Variants in CCDC93 observed in about 807,000 individuals in gnomAD.
CCDC93 encodes the protein CCC complex scaffolding subunit CCDC93, also known as coiled-coil domain-containing protein 93.
In CCDC93, 61 loss-of-function variants were observed where a neutral mutation model predicts 108.2. That is an observed-to-expected ratio of 0.56 (90% confidence interval 0.46 to 0.70). CCDC93 has a LOEUF of 0.70. Ranked by LOEUF, CCDC93 falls within the 30% of genes least tolerant of loss-of-function variation. CCDC93 has a pLI of 0.00. For synonymous variants in CCDC93, 276 were observed against 260.4 expected, an observed-to-expected ratio of 1.06 and a Z score of -0.58; for missense variants, 685 against 764.2, an observed-to-expected ratio of 0.90 and a Z score of 1.22.
rs567321866 is a variant in CCDC93, at chr2:117,915,971, T to C, written c.*4372A>G. 1 of 152,342 alleles carries C rather than the reference T, an allele frequency of 6.6e-6. No individual in the cohort carries two copies. The highest frequency in any genetic ancestry group is 1.9e-4 in the East Asian group (1 of 5,186). 9.4% of individuals were successfully genotyped at this position (152,342 alleles called of 1,614,324 possible). A position where few individuals can be genotyped will look rare whatever the true frequency, so the allele number is the denominator to read the frequency against. ...TAATGTATTTAACCATTCCCCTGTATTGGTGGCACTCTCCAACTTTTTGCT... is the reference window on the plus strand; with the variant it reads ...TAATGTATTTAACCATTCCCCTGTACTGGTGGCACTCTCCAACTTTTTGCT... On this transcript the variant is annotated 3_prime_UTR_variant, in exon 24 of 24. Coordinates refer to ENST00000376300, the MANE Select transcript of CCDC93 (RefSeq NM_019044.5).
chr2:118,007,630 T>C (rs551126907), intron 2 of CCDC93, among the ~76,000 whole-genome samples: 5 of 152,236 alleles, frequency 3.3e-5, no homozygotes, highest in Admixed American at 2.0e-4. Context: ...GATTGAGCCA[T>C]TGCACTCCAG....
At chr2:117,957,375 C>T (rs1488376746) in intron 12 of CCDC93, among the ~76,000 whole-genome samples, 4 of 152,126 alleles carry the variant, frequency 2.6e-5, no homozygotes, top group African/African-American at 7.2e-5. Context: ...CTCATATCAC[C>T]AGGTATTACA....
chr2:117,963,825 TTCCAATTA>T (rs1323939951), intron 11 of CCDC93, among the ~76,000 whole-genome samples: 1 of 152,240 alleles, frequency 6.6e-6, no homozygotes, highest in African/African-American at 2.4e-5. Context: ...TTAAGTGATG[TTCCAATTA>T]TCTTTGCAAG....
chr2:117,995,711 G>A, intron 5 of CCDC93: 1 of 504,452 alleles, frequency 2.0e-6, no homozygotes, highest in African/African-American at 2.0e-5. Flanking sequence ...TACACAGCCA[G>A]TAAGAAAAAG....
intron 13 of CCDC93, chr2:117,950,485 T>C (rs1223164167): frequency 7.1e-6 from 7 of 985,336 alleles, no homozygotes; most frequent in Non-Finnish European, 8.4e-6. Flanking sequence ...GCACCACTGC[T>C]GTCTGCAACC....
intron 4 of CCDC93, among the ~76,000 whole-genome samples, chr2:117,999,663 T>A (rs1294349446): frequency 1.3e-5 from 2 of 152,268 alleles, no homozygotes; most frequent in Admixed American, 6.5e-5. Flanking sequence ...GATGCTCAAG[T>A]CCCTGATATA....
chr2:117,927,322 G>C (rs1315683880), intron 23 of CCDC93, among the ~76,000 whole-genome samples: 3 of 152,116 alleles, frequency 2.0e-5, no homozygotes, highest in African/African-American at 7.2e-5. Context: ...AAAAGAAGAA[G>C]TCAAATTGTC....
chr2:117,925,279 C>T (rs1678038595), intron 23 of CCDC93, among the ~76,000 whole-genome samples: 1 of 150,982 alleles, frequency 6.6e-6, no homozygotes, highest in East Asian at 1.9e-4. Flanking sequence ...CAATATTAAC[C>T]TTAAATGTAA....
Position 117,988,603 on chromosome 2 carries a change from G to C in CCDC93, c.520-2534C>G, listed in dbSNP as rs148775438. Among the ~76,000 whole-genome samples, 550 of 152,312 alleles carry C rather than the reference G, an allele frequency of 3.6e-3. 5 individuals carry two copies. The highest frequency in any genetic ancestry group is 0.013 in the African/African-American group (531 of 41,564). ...CTTACTTAGCCTATGTGTCCCGTCA[G>C]TAATTCTGCCTTTCACCTAAAGGGA... On this transcript the variant is annotated intron_variant, in intron 6 of 23. Transcript: ENST00000376300.
chr2:117,963,880 A>C (rs1195164168), intron 11 of CCDC93, among the ~76,000 whole-genome samples: 1 of 152,230 alleles, frequency 6.6e-6, no homozygotes, highest in Non-Finnish European at 1.5e-5. Context: ...GGCAAGGCTA[A>C]AGTCCAAGTC....
chr2:117,924,439 G>C (rs947045765), intron 23 of CCDC93, among the ~76,000 whole-genome samples: 1 of 152,202 alleles, frequency 6.6e-6, no homozygotes, highest in Non-Finnish European at 1.5e-5. Flanking sequence ...CTTAAAGGAC[G>C]TGATGGAGCT....
intron 23 of CCDC93, among the ~76,000 whole-genome samples, chr2:117,922,931 A>G (rs1573454917): frequency 6.6e-6 from 1 of 152,248 alleles, no homozygotes; most frequent in South Asian, 2.1e-4. Flanking sequence ...AATTACCTCA[A>G]AAGAGCTTGT....
intron 23 of CCDC93, among the ~76,000 whole-genome samples, chr2:117,922,868 GT>G (rs1442230152): frequency 6.6e-6 from 1 of 152,142 alleles, no homozygotes; most frequent in African/African-American, 2.4e-5. Flanking sequence ...AGGCTGTGGA[GT>G]AGCAAGCAAG....
At chr2:117,951,527 G>C in intron 13 of CCDC93, 1 of 996,380 alleles carries the variant, frequency 1.0e-6, no homozygotes, top group Non-Finnish European at 1.2e-6. Context: ...GTGAATTCTA[G>C]AAAAGTAGGG....
chr2:117,972,637 C>T (rs1679802461), intron 11 of CCDC93, among the ~76,000 whole-genome samples: 2 of 150,616 alleles, frequency 1.3e-5, no homozygotes, highest in Admixed American at 6.6e-5. Context: ...AAACTGGGTT[C>T]AGCAATGCTA....
intron 23 of CCDC93, among the ~76,000 whole-genome samples, chr2:117,929,153 T>A (rs1303951022): frequency 6.6e-6 from 1 of 152,084 alleles, no homozygotes; most frequent in Non-Finnish European, 1.5e-5. Context: ...AAGATATACC[T>A]AATGTTAAAT....
chr2:118,004,802 A>C (rs1676819984), intron 3 of CCDC93, among the ~76,000 whole-genome samples: 2 of 152,166 alleles, frequency 1.3e-5, no homozygotes, highest in Admixed American at 1.3e-4. Flanking sequence ...GACACACATC[A>C]AGCACTTACC....
At chr2:117,974,799 A>G in intron 10 of CCDC93, 51 bp downstream of exon 10, 1 of 1,396,152 alleles carries the variant, frequency 7.2e-7, no homozygotes, top group Non-Finnish European at 9.9e-7. Context: ...ACCCCAGCAG[A>G]GCAGGGTGGT....
intron 18 of CCDC93, among the ~76,000 whole-genome samples, chr2:117,943,799 T>C (rs1041846756): frequency 2.0e-5 from 3 of 152,224 alleles, no homozygotes; most frequent in African/African-American, 7.2e-5. Flanking sequence ...GGGTTAGGAT[T>C]AACTCAAAGG....
Sources: allele counts gnomAD v4.1 joint callset (sites outside exome capture counted in the v4.1 genomes callset), GRCh38; gene constraint gnomAD v4.1.1; transcripts MANE v1.5; gene names NCBI Gene and HGNC (gene_info 2026-07-23, HGNC 2026-07-21).